Variants in NRP1 observed in about 807,000 individuals in gnomAD.
NRP1 encodes the protein neuropilin 1, also known as neuropilin-1.
In NRP1, 35 loss-of-function variants were observed where a neutral mutation model predicts 106.7. The ratio of observed to expected loss-of-function variants is 0.33; its 90% CI spans 0.25 to 0.43. The LOEUF is 0.43. Ranked by LOEUF, NRP1 falls within the 20% of genes least tolerant of loss-of-function variation. The pLI is 1.00. For synonymous variants in NRP1, 437 were observed against 417.9 expected (o/e 1.05, Z -0.56); for missense variants, 1,024 against 1,170.4 (o/e 0.87, Z 1.83).
intron 2 of NRP1, among the ~76,000 whole-genome samples, chr10:33,316,385 G>T (rs1042913214): frequency 5.9e-5 from 9 of 152,212 alleles, no homozygotes; most frequent in African/African-American, 1.9e-4. Context: ...AGGCAGAAGA[G>T]AAGTCATTTG....
At position 33,186,289 on chromosome 10, in the gene NRP1, C is replaced by T. The variant is rs780027653; in HGVS notation, c.2262G>A (p.Met754Ile). 162 of 1,613,986 alleles carry T rather than the reference C, an allele frequency of 1.0e-4. No individual in the cohort carries two copies. The highest frequency in any genetic ancestry group is 3.2e-4 in the Admixed American group (19 of 60,002). ...KPEEYDQLVW[M>I]AIGHQGDHWK... ...AGTGGTCACCTTGGTGTCCAATGGC[C>T]ATCCAGACCAGCTGATCGTACTCCT... Residue 754 changes from methionine (M) to isoleucine (I), a missense_variant, in exon 14 of 17, where the codon ATG (methionine) becomes ATA (isoleucine). By Grantham distance (10) the Met-to-Ile change is conservative (BLOSUM62 1). This residue lies in a region of NRP1 where 562 missense variants were observed against 620.3 expected (regional missense o/e 0.91). Transcript: ENST00000374867.
At chr10:33,207,387 G>A (rs1191964281) in intron 10 of NRP1, among the ~76,000 whole-genome samples, 185 bp downstream of exon 10, 1 of 151,628 alleles carries the variant, frequency 6.6e-6, no homozygotes, top group Non-Finnish European at 1.5e-5. Flanking sequence ...ACAAAAGTAG[G>A]ACTGTGAAGG....
chr10:33,330,793 C>T lies in NRP1; in HGVS notation c.163G>A (p.Glu55Lys), dbSNP rs1230660558. 1.2e-6 allele frequency: 2 copies of T among 1,613,878 alleles called. No homozygotes were observed. Among genetic ancestry groups the T allele is most frequent in the Admixed American group, 3.3e-5 (2 of 60,018 alleles). ...PHSYHPSEKC[E>K]WLIQAPDPYQ... ...GGGTCCGGAGCCTGAATCAGCCATT[C>T]GCATTTTTCACTTGGGTGATAAGAA... The change falls in exon 2 of 17, where the codon GAA becomes AAA. Residue 55 changes from glutamate (E) to lysine (K), a missense_variant. Physicochemically the swap from Glu to Lys is moderately conservative, Grantham distance 56. This residue lies in a region of NRP1 where 279 missense variants were observed against 327.4 expected (regional missense o/e 0.85). Coordinates refer to ENST00000374867, the MANE Select transcript of NRP1 (RefSeq NM_003873.7).
chr10:33,293,888 C>G (rs769506705), intron 2 of NRP1, among the ~76,000 whole-genome samples: 1 of 152,178 alleles, frequency 6.6e-6, no homozygotes, highest in African/African-American at 2.4e-5. Context: ...CTCATCCATA[C>G]TCAACGTGAA....
At chr10:33,322,888 C>G (rs1847618883) in intron 2 of NRP1, among the ~76,000 whole-genome samples, 1 of 152,180 alleles carries the variant, frequency 6.6e-6, no homozygotes, top group South Asian at 2.1e-4. Flanking sequence ...AGAATTTCCT[C>G]ATTCAAAAAG....
chr10:33,215,708 A>G (rs1479302599), intron 8 of NRP1, among the ~76,000 whole-genome samples: 1 of 152,242 alleles, frequency 6.6e-6, no homozygotes, highest in Non-Finnish European at 1.5e-5. Context: ...AGTCCACATT[A>G]TCAGCTGAAC....
chr10:33,183,273 T>C lies in NRP1; in HGVS notation c.2432-525A>G, dbSNP rs559087492. 2.0e-5 allele frequency among the ~76,000 whole-genome samples: 3 copies of C among 150,180 alleles called. No homozygotes were observed. In the East Asian group the frequency reaches 5.9e-4, roughly 30 times the overall value. Reference sequence around the variant, plus strand: ...GTGAGCCATGATGGTGCCACTGCACTCCACCCTGGGTGACGGAAGCAAGAG... The same window carrying C: ...GTGAGCCATGATGGTGCCACTGCACCCCACCCTGGGTGACGGAAGCAAGAG... On this transcript the variant is annotated intron_variant, in intron 15 of 16. Transcript: ENST00000374867.
intron 2 of NRP1, among the ~76,000 whole-genome samples, chr10:33,328,086 A>G (rs1848019516): frequency 6.6e-6 from 1 of 152,170 alleles, no homozygotes; most frequent in Non-Finnish European, 1.5e-5. Context: ...CAAAGTCACC[A>G]TTATTAAGAT....
chr10:33,306,512 C>T (rs1447419143), intron 2 of NRP1, among the ~76,000 whole-genome samples: 1 of 152,176 alleles, frequency 6.6e-6, no homozygotes, highest in Non-Finnish European at 1.5e-5. Flanking sequence ...ACAGGCCAGG[C>T]AACGACTTAA....
chr10:33,307,485 T>C (rs776926137), intron 2 of NRP1, among the ~76,000 whole-genome samples: 5 of 151,458 alleles, frequency 3.3e-5, no homozygotes, highest in Admixed American at 6.6e-5. Flanking sequence ...ATTTGTGCCA[T>C]AAAAAAAAAT....
chr10:33,234,031 G>C (rs1840368355), intron 6 of NRP1, among the ~76,000 whole-genome samples: 1 of 152,136 alleles, frequency 6.6e-6, no homozygotes, highest in South Asian at 2.1e-4. Context: ...AGTCGCTTTA[G>C]AGTTAGTGAC....
At chr10:33,302,065 A>T (rs551383097) in intron 2 of NRP1, among the ~76,000 whole-genome samples, 1 of 152,300 alleles carries the variant, frequency 6.6e-6, no homozygotes, top group East Asian at 1.9e-4. Flanking sequence ...CAAATAGACT[A>T]CTTAGTACAG....
intron 2 of NRP1, 132 bp from the exon 3 acceptor site, chr10:33,270,988 C>A (rs1229851990): frequency 3.1e-6 from 2 of 646,110 alleles, no homozygotes; most frequent in Non-Finnish European, 5.0e-6. Context: ...TTCATCACTG[C>A]ATTAAATGGA....
chr10:33,311,611 T>C (rs1388827704), intron 2 of NRP1, among the ~76,000 whole-genome samples: 3 of 152,306 alleles, frequency 2.0e-5, no homozygotes, highest in Non-Finnish European at 2.9e-5. Flanking sequence ...ATTGAATGAA[T>C]GAATGAATGT....
intron 2 of NRP1, among the ~76,000 whole-genome samples, chr10:33,312,500 C>A (rs537329025): frequency 6.6e-6 from 1 of 152,168 alleles, no homozygotes; most frequent in African/African-American, 2.4e-5. Flanking sequence ...TGAAATTGCA[C>A]CTTTGCAAAA....
chr10:33,274,603 G>A (rs1468401870), intron 2 of NRP1, among the ~76,000 whole-genome samples: 1 of 152,116 alleles, frequency 6.6e-6, no homozygotes, highest in Non-Finnish European at 1.5e-5. Flanking sequence ...TCTCTGGTGA[G>A]TACAAGTGAC....
chr10:33,208,881 G>A (rs892904799), intron 9 of NRP1, among the ~76,000 whole-genome samples: 1 of 148,156 alleles, frequency 6.7e-6, no homozygotes, highest in Non-Finnish European at 1.5e-5. Flanking sequence ...CTGATAAAAT[G>A]GTCCATTTTA....
intron 9 of NRP1, chr10:33,211,587 G>A (rs1588732819): frequency 6.6e-6 from 1 of 152,270 alleles, no homozygotes; most frequent in South Asian, 2.1e-4. Context: ...TATTTCTGAT[G>A]GCACCCAGCC....
At chr10:33,213,026 T>TG (rs1400505384) in intron 9 of NRP1, 2 of 554,374 alleles carry the variant, frequency 3.6e-6, no homozygotes, top group East Asian at 2.9e-5. Flanking sequence ...AGGTTTGAGA[T>TG]GGGGGGAGGG....
Sources: allele counts gnomAD v4.1 joint callset (sites outside exome capture counted in the v4.1 genomes callset), GRCh38; gene constraint gnomAD v4.1.1; regional missense constraint gnomAD v4.1.1; transcripts MANE v1.5; gene names NCBI Gene and HGNC (gene_info 2026-07-23, HGNC 2026-07-21).